Variants in TAFA4 observed in about 807,000 individuals in gnomAD.
TAFA4 encodes the protein TAFA chemokine like family member 4.
TAFA4 carries 20 observed loss-of-function variants against 21.1 expected under a neutral mutation model. The observed-to-expected ratio is 0.95, with a 90% confidence interval of 0.67 to 1.38. TAFA4 has a LOEUF of 1.38. TAFA4 is among the 40% of genes most tolerant of loss of function. TAFA4 has a pLI of 0.00. For synonymous variants in TAFA4, 71 were observed against 67.4 expected, an observed-to-expected ratio of 1.05 and a Z score of -0.26; for missense variants, 211 against 180.9, an observed-to-expected ratio of 1.17 and a Z score of -0.95.
intron 3 of TAFA4, among the ~76,000 whole-genome samples, chr3:68,846,923 CA>C (rs2106903283): frequency 8.6e-6 from 1 of 116,684 alleles, no homozygotes; most frequent in East Asian, 2.1e-4. Flanking sequence ...CACCAGATGC[CA>C]GCCGCTCTCC....
At chr3:68,837,209 T>C (rs1225260128) in intron 3 of TAFA4, among the ~76,000 whole-genome samples, 1 of 152,210 alleles carries the variant, frequency 6.6e-6, no homozygotes, top group Non-Finnish European at 1.5e-5. Flanking sequence ...GGCTCTAATC[T>C]CTTGCTATGC....
chr3:68,896,517 T>C (rs1347488626), intron 1 of TAFA4, among the ~76,000 whole-genome samples: 1 of 152,238 alleles, frequency 6.6e-6, no homozygotes, highest in African/African-American at 2.4e-5. Flanking sequence ...AAAATGTTAT[T>C]ACCAGTCTTG....
chr3:68,764,733 G>T (rs1423106969), intron 3 of TAFA4, among the ~76,000 whole-genome samples: 5 of 152,126 alleles, frequency 3.3e-5, no homozygotes, highest in African/African-American at 4.8e-5. Context: ...TGCTTGTAAA[G>T]GTTTCAAACT....
chr3:68,737,854 A>T (rs374354884), intron 5 of TAFA4, among the ~76,000 whole-genome samples: 201 of 152,300 alleles, frequency 1.3e-3, no homozygotes, highest in African/African-American at 4.6e-3. Flanking sequence ...TCAAAGCTCA[A>T]TAGCAATGAG....
chr3:68,854,540 C>T (rs908235783), intron 3 of TAFA4, among the ~76,000 whole-genome samples: 1 of 152,060 alleles, frequency 6.6e-6, no homozygotes, highest in African/African-American at 2.4e-5. Context: ...TGGGCAAGCA[C>T]CAAGTCTTAG....
intron 3 of TAFA4, among the ~76,000 whole-genome samples, chr3:68,789,383 A>G (rs1398946279): frequency 6.6e-6 from 1 of 152,174 alleles, no homozygotes; most frequent in Non-Finnish European, 1.5e-5. Context: ...TTTTAATGAC[A>G]AAGTTTGCTA....
intron 1 of TAFA4, among the ~76,000 whole-genome samples, chr3:68,889,417 T>C (rs1038930358): frequency 2.6e-5 from 4 of 151,512 alleles, no homozygotes; most frequent in African/African-American, 9.7e-5. Context: ...TCAAGGAAAA[T>C]AGAGAGGCTG....
intron 1 of TAFA4, among the ~76,000 whole-genome samples, chr3:68,924,993 G>A (rs2090094193): frequency 6.6e-6 from 1 of 152,130 alleles, no homozygotes; most frequent in African/African-American, 2.4e-5. Flanking sequence ...GGGAAATTCC[G>A]CATACAAGGA....
chr3:68,736,388 TG>T (rs1449169989), intron 5 of TAFA4, among the ~76,000 whole-genome samples: 2 of 152,170 alleles, frequency 1.3e-5, no homozygotes, highest in Non-Finnish European at 2.9e-5. Context: ...ATTTTATACC[TG>T]GAAAAGATAA....
At chr3:68,916,139 A>G (rs2090002604) in intron 1 of TAFA4, 1 of 152,238 alleles carries the variant, frequency 6.6e-6, no homozygotes, top group South Asian at 2.1e-4. Context: ...GACTCCATCT[A>G]ATGTTAATCA....
In TAFA4 at chr3:68,732,030, T is replaced by C. The variant is rs898016222; in HGVS notation, c.*1112A>G. On this transcript the variant is annotated 3_prime_UTR_variant, in exon 6 of 6. Transcript: ENST00000295569. Reference sequence around the variant, plus strand: ...CATATTTTTACAGTAGTATGTACTTTAACAACATTATACATCTAAAATCTG... The same window carrying C: ...CATATTTTTACAGTAGTATGTACTTCAACAACATTATACATCTAAAATCTG... 6.6e-6 allele frequency: 1 copy of C among 152,566 alleles called. No individual in the cohort carries two copies. The highest frequency in any genetic ancestry group is 6.6e-5 in the Admixed American group (1 of 15,264). The allele number at this position is 152,566 out of a possible 1,614,324, so 9.5% of individuals were successfully genotyped here. A position where few individuals can be genotyped will look rare whatever the true frequency, so the allele number is the denominator to read the frequency against.
In TAFA4 at chr3:68,743,666, C is replaced by T. The variant is rs1378803565; in HGVS notation, c.287-4467G>A. ...CTTGCAGCTTCATGGAGCTGTGTCA[C>T]TTTCAAAGCACTTCTACTTACTGTT... On this transcript the variant is annotated intron_variant, in intron 4 of 5. Transcript: ENST00000295569. Among the ~76,000 whole-genome samples the T allele has an allele frequency of 5.9e-5, 9 of 151,950 alleles. No individual in the cohort carries two copies. In the East Asian group the frequency reaches 1.7e-3, roughly 29 times the overall value.
intron 3 of TAFA4, among the ~76,000 whole-genome samples, chr3:68,834,729 CCT>C (rs1279392501): frequency 6.6e-6 from 1 of 152,080 alleles, no homozygotes; most frequent in Non-Finnish European, 1.5e-5. Context: ...CCTTGATTCC[CCT>C]CTTTCTCTTA....
intron 4 of TAFA4, among the ~76,000 whole-genome samples, chr3:68,742,876 C>A: frequency 6.6e-6 from 1 of 152,340 alleles, no homozygotes; most frequent in Non-Finnish European, 1.5e-5. Context: ...CAAGTGCTAA[C>A]GCTTATATTC....
intron 3 of TAFA4, among the ~76,000 whole-genome samples, chr3:68,873,025 G>A (rs972648740): frequency 7.9e-5 from 12 of 151,898 alleles, no homozygotes; most frequent in African/African-American, 2.9e-4. Flanking sequence ...GACAGCATGG[G>A]TAAATATCAG....
chr3:68,892,433 GA>G (rs2089739451), intron 1 of TAFA4, among the ~76,000 whole-genome samples: 1 of 152,180 alleles, frequency 6.6e-6, no homozygotes, highest in African/African-American at 2.4e-5. Flanking sequence ...AGCAGAGTGA[GA>G]AGGTTTGAGG....
In TAFA4 at chr3:68,733,005, T is replaced by TCTCACAG; in HGVS notation, c.*130_*136dup. 9.0e-7 allele frequency: 1 copy of TCTCACAG among 1,117,122 alleles called. No homozygotes were observed. The highest frequency in any genetic ancestry group is 2.2e-5 in the Admixed American group (1 of 46,276). The allele number at this position is 1,117,122 out of a possible 1,614,324, so 69.2% of individuals were successfully genotyped here. A position where few individuals can be genotyped will look rare whatever the true frequency, so the allele number is the denominator to read the frequency against. On this transcript the variant is annotated 3_prime_UTR_variant, in exon 6 of 6. Coordinates refer to ENST00000295569, the MANE Select transcript of TAFA4 (RefSeq NM_182522.5). ...CTGGGCCAGTTAAGTGAATGCCACCTCTCACAGCTCACATATACAAATATG... is the reference window on the plus strand; with the variant it reads ...CTGGGCCAGTTAAGTGAATGCCACCTCTCACAGCTCACAGCTCACATATACAAATATG...
intron 3 of TAFA4, among the ~76,000 whole-genome samples, chr3:68,785,592 A>G (rs1013859414): frequency 2.6e-5 from 4 of 152,230 alleles, no homozygotes; most frequent in Non-Finnish European, 5.9e-5. Context: ...ACCCACCTGG[A>G]ACTCGCGCTA....
chr3:68,773,475 G>A (rs1702995378), intron 3 of TAFA4, among the ~76,000 whole-genome samples: 1 of 152,114 alleles, frequency 6.6e-6, no homozygotes, highest in Admixed American at 6.5e-5. Flanking sequence ...AGGCATGATT[G>A]ATTATATCAC....
Sources: gnomAD v4.1 joint callset for allele counts (sites outside exome capture counted in the v4.1 genomes callset) on GRCh38, gnomAD v4.1.1 for gene constraint, MANE v1.5 for transcripts, NCBI Gene and HGNC (gene_info 2026-07-23, HGNC 2026-07-21) for gene names.